Variants in ARHGAP6 observed in about 807,000 individuals in gnomAD.
The protein encoded by ARHGAP6 is Rho GTPase activating protein 6.
A neutral mutation model predicts 55.7 loss-of-function variants in ARHGAP6; 16 were observed. The ratio of observed to expected loss-of-function variants is 0.29; its 90% CI spans 0.19 to 0.44. The LOEUF (loss-of-function observed/expected upper bound fraction) is 0.44. Ranked by LOEUF, ARHGAP6 falls within the 20% of genes least tolerant of loss-of-function variation. The pLI, the probability that ARHGAP6 is intolerant of heterozygous loss-of-function variation, is 1.00. For synonymous variants in ARHGAP6, 382 were observed against 360.9 expected, an observed-to-expected ratio of 1.06 and a Z score of -0.66; for missense variants, 698 against 808.9, an observed-to-expected ratio of 0.86 and a Z score of 1.66.
intron 1 of ARHGAP6, among the ~76,000 whole-genome samples, chrX:11,649,426 T>C (rs1459806172): frequency 8.9e-6 from 1 of 112,217 alleles, no homozygotes; most frequent in Non-Finnish European, 1.9e-5. Context: ...AACTAAAACA[T>C]GGGTAGATCA....
Position 11,164,343 on chromosome X carries a change from G to A in ARHGAP6, c.1809+5162C>T, listed in dbSNP as rs749617864. 3.6e-5 allele frequency among the ~76,000 whole-genome samples: 4 copies of A among 111,885 alleles called. No individual in the cohort carries two copies. The Admixed American group carries it at 3.8e-4, about 11-fold the overall frequency. ...AGATTTAAACAAGCCAATAATGTAC[G>A]TAATGAGTAGCCCAACCCTGGCACG... On this transcript the variant is annotated intron_variant, in intron 9 of 12. Transcript: ENST00000337414.
At chrX:11,559,238 A>AT (rs1298084030) in intron 1 of ARHGAP6, among the ~76,000 whole-genome samples, 1 of 109,581 alleles carries the variant, frequency 9.1e-6, no homozygotes, top group South Asian at 3.9e-4. Context: ...GATGAGGCCC[A>AT]TTTTTTTACT....
intron 1 of ARHGAP6, among the ~76,000 whole-genome samples, chrX:11,306,531 C>T (rs769534321): frequency 4.1e-4 from 46 of 112,483 alleles, no homozygotes; most frequent in Non-Finnish European, 6.2e-4. Flanking sequence ...CATGTATTAG[C>T]TCATTTAATT....
chrX:11,144,541 C>G (rs1347605629), intron 10 of ARHGAP6, among the ~76,000 whole-genome samples: 1 of 112,574 alleles, frequency 8.9e-6, no homozygotes, highest in Non-Finnish European at 1.9e-5. Flanking sequence ...CAATGGGCAT[C>G]GCTAAGTGCC....
chrX:11,153,738 T>TC (rs1174309239), intron 10 of ARHGAP6, among the ~76,000 whole-genome samples: 2 of 110,330 alleles, frequency 1.8e-5, no homozygotes, highest in Non-Finnish European at 3.8e-5. Flanking sequence ...AAGTAAGTCT[T>TC]CCCCCAGTGT....
Position 11,545,474 on chromosome X carries a change from T to TA in ARHGAP6, c.588+118766dup, listed in dbSNP as rs775252280. ...CTCAGATAAAGCTATCAGGCTTTCT[T>TA]AAAAAAAATAATTTGTGCTTCAAAA... On this transcript the variant is annotated intron_variant, in intron 1 of 12. Transcript: ENST00000337414. Among the ~76,000 whole-genome samples, 127 of 111,561 alleles carry TA rather than the reference T, an allele frequency of 1.1e-3. 2 individuals carry two copies. In the East Asian group the frequency reaches 0.02, roughly 17 times the overall value.
chrX:11,442,758 C>A (rs1215600201), intron 1 of ARHGAP6, among the ~76,000 whole-genome samples: 1 of 111,614 alleles, frequency 9.0e-6, no homozygotes, highest in Non-Finnish European at 1.9e-5. Flanking sequence ...GTCACACTGT[C>A]AGGGTAGACG....
At chrX:11,226,288 A>G (rs1023706673) in intron 2 of ARHGAP6, among the ~76,000 whole-genome samples, 9 of 110,572 alleles carry the variant, frequency 8.1e-5, no homozygotes, top group African/African-American at 3.0e-4. Context: ...GATGGTTTCC[A>G]GCTTCATCCA....
intron 9 of ARHGAP6, among the ~76,000 whole-genome samples, chrX:11,163,688 T>TGAC (rs1395651378): frequency 8.9e-6 from 1 of 112,428 alleles, no homozygotes; most frequent in African/African-American, 3.2e-5. Flanking sequence ...GGCTCTGTTG[T>TGAC]GACAGGTGGT....
chrX:11,585,733 A>G (rs1047596827), intron 1 of ARHGAP6, among the ~76,000 whole-genome samples: 5 of 112,232 alleles, frequency 4.5e-5, no homozygotes, highest in African/African-American at 1.3e-4. Flanking sequence ...CCATTCTCAC[A>G]TTTCTATAAA....
chrX:11,654,340 G>T (rs185576170), intron 1 of ARHGAP6, among the ~76,000 whole-genome samples: 30 of 111,500 alleles, frequency 2.7e-4, no homozygotes, highest in African/African-American at 9.4e-4. Flanking sequence ...CTATTTCCAT[G>T]AGCTGTCCAC....
intron 1 of ARHGAP6, among the ~76,000 whole-genome samples, chrX:11,595,449 G>A (rs1285389525): frequency 9.0e-6 from 1 of 111,503 alleles, no homozygotes; most frequent in Admixed American, 9.5e-5. Context: ...ATACTTAAAC[G>A]TAAGATCTAG....
At position 11,481,744 on chromosome X, in the gene ARHGAP6, A is replaced by G. The variant is rs138187489; in HGVS notation, c.588+182497T>C. Among the ~76,000 whole-genome samples, 6 of 112,807 alleles carry G rather than the reference A, an allele frequency of 5.3e-5. No homozygotes were observed. The East Asian group carries it at 1.7e-3, about 31-fold the overall frequency. ...GTTTGTTTTCTGAGATTCCAATTTA[A>G]CTGGATGTCCTGTATTTTTATTTGC... is the stretch of plus-strand genomic sequence containing the variant. On this transcript the variant is annotated intron_variant, in intron 1 of 12. Coordinates refer to ENST00000337414, the MANE Select transcript of ARHGAP6 (RefSeq NM_013427.3).
At chrX:11,484,969 T>C (rs907849508) in intron 1 of ARHGAP6, among the ~76,000 whole-genome samples, 2 of 111,258 alleles carry the variant, frequency 1.8e-5, no homozygotes, top group Non-Finnish European at 3.8e-5. Context: ...GCCCCATTCT[T>C]AGCCACTCTT....
At chrX:11,280,789 C>T (rs1253973181) in intron 1 of ARHGAP6, among the ~76,000 whole-genome samples, 1 of 107,433 alleles carries the variant, frequency 9.3e-6, no homozygotes, top group Non-Finnish European at 1.9e-5. Flanking sequence ...CGGAGCAGTT[C>T]TGTGAATACC....
intron 10 of ARHGAP6, among the ~76,000 whole-genome samples, chrX:11,152,870 C>T (rs890108393): frequency 9.0e-5 from 10 of 111,618 alleles, no homozygotes; most frequent in African/African-American, 2.0e-4. Flanking sequence ...AACAAAAATC[C>T]GAATGTCCAG....
intron 1 of ARHGAP6, among the ~76,000 whole-genome samples, chrX:11,275,473 C>G (rs2147522010): frequency 9.0e-6 from 1 of 111,726 alleles, no homozygotes; most frequent in South Asian, 3.8e-4. Flanking sequence ...CCTACTCACA[C>G]TCAGAAAGTC....
At chrX:11,183,579 C>T (rs903660860) in intron 5 of ARHGAP6, among the ~76,000 whole-genome samples, 5 of 112,156 alleles carry the variant, frequency 4.5e-5, no homozygotes, top group African/African-American at 1.6e-4. Flanking sequence ...AGGTCACACA[C>T]TGTCATATGG....
intron 1 of ARHGAP6, among the ~76,000 whole-genome samples, chrX:11,585,721 G>C (rs1319400297): frequency 8.9e-6 from 1 of 112,016 alleles, no homozygotes; most frequent in East Asian, 2.8e-4. Context: ...CATTGTATTA[G>C]TCCATTCTCA....
Sources: allele counts gnomAD v4.1 joint callset (sites outside exome capture counted in the v4.1 genomes callset), GRCh38; gene constraint gnomAD v4.1.1; transcripts MANE v1.5; gene names NCBI Gene and HGNC (gene_info 2026-07-23, HGNC 2026-07-21).